CYP27A1: variants seen among roughly 807,000 people sequenced by gnomAD.
CYP27A1 encodes sterol 26-hydroxylase, mitochondrial.
In CYP27A1, 46 loss-of-function variants were observed where a neutral mutation model predicts 58.2. That is an observed-to-expected ratio of 0.79 (90% CI 0.62 to 1.01). The LOEUF is 1.01. Among genes scored for constraint, CYP27A1 ranks in the 50% least tolerant of loss-of-function variants. The pLI is 0.00. For synonymous variants in CYP27A1, 274 were observed against 285.1 expected, an observed-to-expected ratio of 0.96 and a Z score of 0.39; for missense variants, 704 against 687.0, an observed-to-expected ratio of 1.02 and a Z score of -0.28.
At chr2:218,785,221 G>A (rs1485350460) in intron 1 of CYP27A1, among the ~76,000 whole-genome samples, 2 of 152,086 alleles carry the variant, frequency 1.3e-5, no homozygotes, top group Admixed American at 6.5e-5. Context: ...TAGGGTTTGT[G>A]CTCCTATGAG....
chr2:218,808,781 T>C (rs1398616271), intron 1 of CYP27A1, among the ~76,000 whole-genome samples: 1 of 152,182 alleles, frequency 6.6e-6, no homozygotes, highest in East Asian at 1.9e-4. Flanking sequence ...CCCCAAAACG[T>C]GTTTCTTTTC....
rs2105981481 is a variant in CYP27A1 at position 218,814,982 on chromosome 2, G to T, written c.1548G>T (p.Leu516=). ...TGAAGAGTGTGGCCCGCATTGTCCT[G>T]GTTCCCAATAAGAAAGTGGGCCTGC... ...GELKSVARIV[L]VPNKKVGLQF... is the part of the protein sequence containing the mutation. The change falls in exon 9 of 9, where the codon CTG becomes CTT. Residue 516 remains leucine, a synonymous_variant. Transcript: ENST00000258415. The T allele has an allele frequency of 1.2e-6, 2 of 1,614,194 alleles. No individual in the cohort carries two copies. The highest frequency in any genetic ancestry group is 1.7e-6 in the Non-Finnish European group (2 of 1,180,014).
chr2:218,809,442 CTT>C (rs57956133), intron 1 of CYP27A1, 133 bp from the exon 2 acceptor site: 349 of 369,806 alleles, frequency 9.4e-4, no homozygotes, highest in Middle Eastern at 1.9e-3. Flanking sequence ...ACACAATGCC[CTT>C]TTTTTTTTTT....
chr2:218,787,359 T>C (rs1400842529), intron 1 of CYP27A1, among the ~76,000 whole-genome samples: 2 of 152,182 alleles, frequency 1.3e-5, no homozygotes, highest in Non-Finnish European at 2.9e-5. Context: ...GTGGGCAGAT[T>C]GAACAAGCCT....
At position 218,812,325 on chromosome 2, in the gene CYP27A1, G is replaced by A; in HGVS notation, c.550G>A (p.Asp184Asn). The A allele has an allele frequency of 8.7e-6, 14 of 1,614,254 alleles. No individual in the cohort carries two copies. The highest frequency in any genetic ancestry group is 1.2e-5 in the Non-Finnish European group (14 of 1,180,046). The change falls in exon 3 of 9, where the codon GAC (aspartate) becomes AAC (asparagine). Residue 184 changes from aspartate to asparagine, a missense_variant. Physicochemically the swap from Asp to Asn is conservative, Grantham distance 23 (BLOSUM62 1). Transcript: ENST00000258415. ...GGATGCTTTCAATGAGGTGATTGAT[G>A]ACTTTATGACTCGACTGGACCAGCT... The part of the protein sequence containing the change: ...YTDAFNEVID[D>N]FMTRLDQLRA...
intron 5 of CYP27A1, among the ~76,000 whole-genome samples, chr2:218,813,358 C>T (rs1943745305): frequency 6.6e-6 from 1 of 152,198 alleles, no homozygotes; most frequent in Non-Finnish European, 1.5e-5. Flanking sequence ...AGTACATCTC[C>T]CATCTATCCA....
intron 1 of CYP27A1, among the ~76,000 whole-genome samples, chr2:218,797,176 A>G (rs780553850): frequency 6.6e-5 from 10 of 152,150 alleles, no homozygotes; most frequent in South Asian, 2.1e-4. Flanking sequence ...GCTCACTGCA[A>G]TCTCCCTCTG....
chr2:218,787,316 A>G (rs945415613), intron 1 of CYP27A1, among the ~76,000 whole-genome samples: 2 of 152,194 alleles, frequency 1.3e-5, no homozygotes, highest in South Asian at 4.1e-4. Context: ...GTTGTTTGAC[A>G]TAATATAGAG....
At chr2:218,791,178 T>C (rs1943489408) in intron 1 of CYP27A1, among the ~76,000 whole-genome samples, 1 of 151,942 alleles carries the variant, frequency 6.6e-6, no homozygotes, top group African/African-American at 2.4e-5. Context: ...CTCCAAACCA[T>C]GGAAAAAAGG....
chr2:218,793,201 G>A (rs1437919558), intron 1 of CYP27A1, among the ~76,000 whole-genome samples: 2 of 151,970 alleles, frequency 1.3e-5, no homozygotes, highest in African/African-American at 4.8e-5. Flanking sequence ...TCAGCCTCCC[G>A]AGTAGCTGGG....
chr2:218,812,640 G>T lies in CYP27A1; in HGVS notation c.735G>T (p.Gly245=), dbSNP rs770631614. 55 of 1,614,222 alleles carry T rather than the reference G, an allele frequency of 3.4e-5. No homozygotes were observed. The highest frequency in any genetic ancestry group is 1.2e-4 in the Admixed American group (7 of 60,030). The change falls in exon 4 of 9, where the codon GGG becomes GGT. Residue 245 remains glycine (G), a synonymous_variant. Coordinates refer to ENST00000258415, the MANE Select transcript of CYP27A1 (RefSeq NM_000784.4). ...CCGTGACCTTCGTCAGATCCATCGG[G>T]TTAATGTTCCAGAACTCACTCTATG... The part of the protein sequence containing the change: ...EDTVTFVRSI[G]LMFQNSLYAT...
intron 5 of CYP27A1, among the ~76,000 whole-genome samples, 167 bp downstream of exon 5, chr2:218,813,263 C>T (rs550402914): frequency 6.6e-6 from 1 of 152,140 alleles, no homozygotes; most frequent in Non-Finnish European, 1.5e-5. Flanking sequence ...TCAGCTTAGC[C>T]GAGGTGGGAG....
intron 1 of CYP27A1, among the ~76,000 whole-genome samples, chr2:218,807,390 A>G (rs1559390721): frequency 6.6e-6 from 1 of 152,200 alleles, no homozygotes; most frequent in Non-Finnish European, 1.5e-5. Context: ...TCTAAGGAGT[A>G]TTTACAGGAA....
chr2:218,802,981 GTCAC>G (rs1272636416), intron 1 of CYP27A1, among the ~76,000 whole-genome samples: 1 of 152,162 alleles, frequency 6.6e-6, no homozygotes, highest in African/African-American at 2.4e-5. Flanking sequence ...GTCTCATTCT[GTCAC>G]TCAGGCTGGA....
intron 1 of CYP27A1, among the ~76,000 whole-genome samples, chr2:218,791,287 T>C (rs1046691678): frequency 2.6e-5 from 4 of 152,240 alleles, no homozygotes; most frequent in Non-Finnish European, 4.4e-5. Context: ...GTGCTCTGTT[T>C]CTGACAGACT....
intron 1 of CYP27A1, among the ~76,000 whole-genome samples, chr2:218,798,061 G>A (rs752608667): frequency 2.0e-5 from 3 of 152,076 alleles, no homozygotes; most frequent in Admixed American, 6.6e-5. Context: ...GGAGTGCAGT[G>A]GTGTGATCTC....
chr2:218,812,669 C>T lies in CYP27A1; in HGVS notation c.764C>T (p.Thr255Ile). ...GLMFQNSLYA[T>I]FLPKWTRPVL... ...ATGTTCCAGAACTCACTCTATGCCA[C>T]CTTCCTCCCCAAGTGGACTCGCCCC... The change falls in exon 4 of 9, where the codon ACC (threonine) becomes ATC (isoleucine). Residue 255 changes from threonine to isoleucine, a missense_variant. By Grantham distance (89) the Thr-to-Ile change is moderately conservative. Coordinates refer to ENST00000258415, the MANE Select transcript of CYP27A1 (RefSeq NM_000784.4). The T allele has an allele frequency of 1.2e-6, 2 of 1,614,202 alleles. No individual in the cohort carries two copies. Among genetic ancestry groups the T allele is most frequent in the Non-Finnish European group, 1.7e-6 (2 of 1,180,034 alleles).
intron 5 of CYP27A1, 68 bp from the exon 6 acceptor site, chr2:218,813,953 T>C (rs1943752313): frequency 6.3e-7 from 1 of 1,580,616 alleles, no homozygotes; most frequent in South Asian, 1.1e-5. Flanking sequence ...CACCCACTCA[T>C]ACACCCTCCC....
At position 218,782,366 on chromosome 2, in the gene CYP27A1, C is replaced by G; in HGVS notation, c.184C>G (p.Arg62Gly). Reference sequence around the variant, plus strand: ...GCAACGGAGCTTAGAGGAGATTCCACGTCTAGGACAGCTGCGCTTCTTCTT... The same window carrying G: ...GCAACGGAGCTTAGAGGAGATTCCAGGTCTAGGACAGCTGCGCTTCTTCTT... ...RRQRSLEEIP[R>G]LGQLRFFFQL... The change falls in exon 1 of 9, where the codon CGT becomes GGT. Residue 62 changes from arginine (R) to glycine (G), a missense_variant. Coordinates refer to ENST00000258415, the MANE Select transcript of CYP27A1 (RefSeq NM_000784.4). The surrounding 1 kb of genome is among the most constrained non-coding windows in gnomAD (Gnocchi z 4.1). 1.2e-6 allele frequency: 2 copies of G among 1,614,188 alleles called. No homozygotes were observed. Among genetic ancestry groups the G allele is most frequent in the East Asian group, 2.2e-5 (1 of 44,886 alleles).
Sources: allele counts gnomAD v4.1 joint callset (sites outside exome capture counted in the v4.1 genomes callset), GRCh38; gene constraint gnomAD v4.1.1; non-coding constraint Gnocchi (gnomAD v3.1); transcripts MANE v1.5; gene names NCBI Gene and HGNC (gene_info 2026-07-23, HGNC 2026-07-21).